MYO6: variants seen among roughly 807,000 people sequenced by gnomAD.
MYO6 encodes the protein myosin VI, also known as unconventional myosin-VI.
A neutral mutation model predicts 178.7 loss-of-function variants in MYO6; 74 were observed. The ratio of observed to expected loss-of-function variants is 0.41; its 90% confidence interval spans 0.34 to 0.50. The LOEUF (loss-of-function observed/expected upper bound fraction) is 0.50. MYO6 is among the 20% of genes least tolerant of loss of function. MYO6 has a pLI of 0.09. For missense variants in MYO6, 1,330 were observed against 1,547.4 expected, an observed-to-expected ratio of 0.86 and a Z score of 2.36; for synonymous variants, 477 against 504.6, an observed-to-expected ratio of 0.95 and a Z score of 0.73.
chr6:75,907,324 TTGAAAC>T (rs1244364039), intron 30 of MYO6, among the ~76,000 whole-genome samples: 7 of 152,218 alleles, frequency 4.6e-5, no homozygotes, highest in African/African-American at 1.7e-4. Context: ...AGTAAAAACA[TTGAAAC>T]TGAAGTCTGG....
At chr6:75,816,377 A>G (rs1771244857) in intron 1 of MYO6, among the ~76,000 whole-genome samples, 2 of 152,214 alleles carry the variant, frequency 1.3e-5, no homozygotes, top group South Asian at 4.1e-4. Context: ...TGTTTTAGAA[A>G]CAGGGTCTTG....
intron 1 of MYO6, among the ~76,000 whole-genome samples, chr6:75,791,675 A>T (rs552026652): frequency 5.3e-5 from 8 of 152,356 alleles, no homozygotes; most frequent in African/African-American, 1.4e-4. Context: ...ATTTTATGTC[A>T]TAAGGATGTG....
In MYO6 at chr6:75,858,076, AT is replaced by A. The variant is rs919385749; in HGVS notation, c.1382-818del. Among the ~76,000 whole-genome samples the A allele has an allele frequency of 7.2e-5, 10 of 139,582 alleles. No homozygotes were observed. The South Asian group carries it at 1.4e-3, about 19-fold the overall frequency. The allele number at this position is 139,582 out of a possible 152,430, so 91.6% of individuals were successfully genotyped here. Reference sequence around the variant, plus strand: ...AGGTAGAGAATTATTATTATTATTAATTTTTTTTCCTTTTCTACAACAGTTT... The same window carrying A: ...AGGTAGAGAATTATTATTATTATTAATTTTTTTCCTTTTCTACAACAGTTT... On this transcript the variant is annotated intron_variant, in intron 13 of 34. Transcript: ENST00000369977.
At chr6:75,873,184 A>G (rs749896074) in intron 19 of MYO6, 23 bp from the exon 20 acceptor site, 1 of 1,592,366 alleles carries the variant, frequency 6.3e-7, no homozygotes, top group African/African-American at 1.3e-5. Flanking sequence ...GTATTGTAAC[A>G]AAAAGTACCT....
At chr6:75,881,519 G>A (rs188791885) in intron 22 of MYO6, among the ~76,000 whole-genome samples, 170 bp from the exon 23 acceptor site, 15 of 148,206 alleles carry the variant, frequency 1.0e-4, no homozygotes, top group East Asian at 2.0e-4. Flanking sequence ...GAAGCAAAAC[G>A]TGGCCAAGTG....
chr6:75,799,215 C>T (rs369857102), intron 1 of MYO6, among the ~76,000 whole-genome samples: 31 of 152,108 alleles, frequency 2.0e-4, no homozygotes, highest in African/African-American at 6.7e-4. Flanking sequence ...CATGGTGAAA[C>T]CCCATCTCTA....
chr6:75,880,422 A>T (rs1335920061), intron 22 of MYO6, among the ~76,000 whole-genome samples: 1 of 152,234 alleles, frequency 6.6e-6, no homozygotes, highest in Non-Finnish European at 1.5e-5. Flanking sequence ...GAAGAAGAAC[A>T]GTTGTCCTGG....
chr6:75,763,149 C>T (rs1778099977), intron 1 of MYO6, among the ~76,000 whole-genome samples: 1 of 151,808 alleles, frequency 6.6e-6, no homozygotes, highest in African/African-American at 2.4e-5. Context: ...GCCTTAGCCT[C>T]CTGAGTAGCT....
At chr6:75,833,143 T>C (rs1583220378) in intron 6 of MYO6, among the ~76,000 whole-genome samples, 196 bp downstream of exon 6, 2 of 152,216 alleles carry the variant, frequency 1.3e-5, no homozygotes, top group African/African-American at 4.8e-5. Context: ...CATGCCACCA[T>C]GCCCTGCTAA....
At position 75,879,798 on chromosome 6, in the gene MYO6, T is replaced by G. The variant is rs746033799; in HGVS notation, c.2078-22T>G. ...CTTCCGAACAGTGATTGACAGTGCT[T>G]TGTGCTTGTTCGTGAATCTAGGGAT... On this transcript the variant is annotated intron_variant, in intron 20 of 34. Coordinates refer to ENST00000369977, the MANE Select transcript of MYO6 (RefSeq NM_004999.4). The G allele has an allele frequency of 1.9e-6, 3 of 1,614,006 alleles. No individual in the cohort carries two copies. The South Asian group carries it at 3.3e-5, about 18-fold the overall frequency.
In MYO6 at chr6:75,828,578, A is replaced by G; in HGVS notation, c.226A>G (p.Asn76Asp). Residue 76 changes from asparagine to aspartate, a missense_variant, in exon 4 of 35, where the codon AAT (asparagine) becomes GAT (aspartate). By Grantham distance (23) the Asn-to-Asp change is conservative (BLOSUM62 1). Around this residue, in one of 3 missense-constraint regions of MYO6, gnomAD observed 116 missense variants for 104.6 expected, o/e 1.11. Transcript: ENST00000369977. ...MYLNEATLLH[N>D]IKVRYSKDRI... Reference sequence around the variant, plus strand: ...TTTAAATGAAGCCACACTGCTCCATAATATCAAAGTTCGATATAGTAAAGA... The same window carrying G: ...TTTAAATGAAGCCACACTGCTCCATGATATCAAAGTTCGATATAGTAAAGA... 6.3e-7 allele frequency: 1 copy of G among 1,585,760 alleles called. No homozygotes were observed. The highest frequency in any genetic ancestry group is 8.7e-7 in the Non-Finnish European group (1 of 1,154,602).
intron 1 of MYO6, among the ~76,000 whole-genome samples, chr6:75,816,962 G>T (rs1326663427): frequency 6.6e-6 from 1 of 152,218 alleles, no homozygotes; most frequent in Non-Finnish European, 1.5e-5. Context: ...GGCAGTAGTA[G>T]AGCAGGTGTA....
chr6:75,898,022 A>G (rs1428680451), intron 29 of MYO6, among the ~76,000 whole-genome samples: 1 of 152,240 alleles, frequency 6.6e-6, no homozygotes, highest in Non-Finnish European at 1.5e-5. Flanking sequence ...AAAAATCCTC[A>G]TATGGAATCT....
intron 2 of MYO6, among the ~76,000 whole-genome samples, chr6:75,819,362 A>G (rs891545623): frequency 3.3e-5 from 5 of 152,254 alleles, no homozygotes; most frequent in East Asian, 1.9e-4. Flanking sequence ...AAGAGAAGCA[A>G]TCTTTTGCTT....
At chr6:75,835,118 G>A (rs1409723677) in intron 6 of MYO6, among the ~76,000 whole-genome samples, 1 of 152,090 alleles carries the variant, frequency 6.6e-6, no homozygotes, top group African/African-American at 2.4e-5. Flanking sequence ...GAGGCAGATT[G>A]CCTCATTTTC....
intron 1 of MYO6, among the ~76,000 whole-genome samples, chr6:75,781,956 G>C (rs1326928148): frequency 6.6e-6 from 1 of 151,488 alleles, no homozygotes; most frequent in Non-Finnish European, 1.5e-5. Flanking sequence ...TAAAGGAATG[G>C]GGGGAGTGGC....
chr6:75,809,919 A>AC (rs1177046700), intron 1 of MYO6, among the ~76,000 whole-genome samples: 8 of 149,100 alleles, frequency 5.4e-5, no homozygotes, highest in African/African-American at 2.0e-4. Context: ...AAAAAAAACA[A>AC]AAAAAAAAGC....
At chr6:75,765,873 A>C (rs564271916) in intron 1 of MYO6, among the ~76,000 whole-genome samples, 5 of 152,336 alleles carry the variant, frequency 3.3e-5, no homozygotes, top group African/African-American at 1.2e-4. Context: ...AGAATAAAAA[A>C]AAGGTTAGCT....
chr6:75,757,162 A>G (rs1777495077), intron 1 of MYO6, among the ~76,000 whole-genome samples: 1 of 147,448 alleles, frequency 6.8e-6, no homozygotes, highest in Non-Finnish European at 1.5e-5. Context: ...GTGTGTGTGT[A>G]TGTATATACA....
Sources: gnomAD v4.1 joint callset for allele counts (sites outside exome capture counted in the v4.1 genomes callset) on GRCh38, gnomAD v4.1.1 for gene constraint, gnomAD v4.1.1 regional missense constraint, MANE v1.5 for transcripts, NCBI Gene and HGNC (gene_info 2026-07-23, HGNC 2026-07-21) for gene names.